Variants in PDZD9 observed in about 807,000 individuals in gnomAD.
PDZD9 encodes PDZ domain-containing protein 9.
In PDZD9, 13 loss-of-function variants were observed where a neutral mutation model predicts 16.3. That is an observed-to-expected ratio of 0.80 (90% CI 0.52 to 1.27). PDZD9 has a LOEUF of 1.27. PDZD9 is among the 50% of genes most tolerant of loss of function. The pLI, the probability that PDZD9 is intolerant of heterozygous loss-of-function variation, is 0.00. For missense variants in PDZD9, 288 were observed against 310.9 expected, an observed-to-expected ratio of 0.93 and a Z score of 0.55; for synonymous variants, 120 against 111.0, an observed-to-expected ratio of 1.08 and a Z score of -0.51.
chr16:21,976,449 T>C, the PDZD9 span: 4 of 443,684 alleles, frequency 9.0e-6, no homozygotes, highest in South Asian at 3.1e-5. Context: ...CCCAGCACTT[T>C]GGGAGGCCAA....
At chr16:21,999,845 T>C (rs1384446202) in intron 1 of PDZD9, among the ~76,000 whole-genome samples, 1 of 152,152 alleles carries the variant, frequency 6.6e-6, no homozygotes, top group Non-Finnish European at 1.5e-5. Flanking sequence ...GAGACCAGCC[T>C]GGCCAGCATG....
At chr16:21,982,983 A>AAAT, downstream of PDZD9, 1 of 960,076 alleles carries the variant, frequency 1.0e-6, no homozygotes, top group Non-Finnish European at 1.5e-6. Flanking sequence ...AAAAAAAAAA[A>AAAT]GAATGTCCTA....
the PDZD9 span, chr16:21,971,782 TG>T: frequency 7.4e-7 from 1 of 1,344,476 alleles, no homozygotes; most frequent in Non-Finnish European, 1.0e-6. Flanking sequence ...TGTGTGTGTT[TG>T]GGGACAGGAT....
rs557264062 is a variant in PDZD9 at position 21,996,465 on chromosome 16, T to C, written c.68A>G (p.His23Arg). The C allele has an allele frequency of 2.0e-6, 3 of 1,536,058 alleles. No individual in the cohort carries two copies. Among genetic ancestry groups the C allele is most frequent in the Non-Finnish European group, 1.7e-6 (2 of 1,146,862 alleles). Residue 23 changes from histidine (H) to arginine (R), a missense_variant, in exon 2 of 4, where the codon CAC becomes CGC. Physicochemically the swap from His to Arg is conservative, Grantham distance 29. Coordinates refer to ENST00000424898, the MANE Select transcript of PDZD9 (RefSeq NM_001363519.1). ...GGTCTGCTGTGTTTTGCTCAAGTTG[T>C]GTACAGATGTTTTGACCTTGTTGCT... ...GVSNKVKTSVHNLSKTQQTKL... is the reference protein window; with the variant it reads ...GVSNKVKTSVRNLSKTQQTKL...
chr16:21,967,563 T>C, the PDZD9 span, among the ~76,000 whole-genome samples: 3 of 152,122 alleles, frequency 2.0e-5, no homozygotes, highest in African/African-American at 4.8e-5. Context: ...TATAAACCAG[T>C]GATAACCAAG....
chr16:21,982,675 C>T (rs1055141882), downstream of PDZD9, among the ~76,000 whole-genome samples: 9 of 152,140 alleles, frequency 5.9e-5, no homozygotes, highest in African/African-American at 2.2e-4. Flanking sequence ...CTTAGAATGT[C>T]CTATCGAAGG....
downstream of PDZD9, chr16:21,983,544 C>G (rs530201657): frequency 3.7e-6 from 1 of 271,546 alleles, no homozygotes; most frequent in East Asian, 6.3e-5. Flanking sequence ...AAGATGAAAG[C>G]AAGTTCAAAA....
chr16:21,985,832 C>G (rs1898864185), intron 3 of PDZD9, among the ~76,000 whole-genome samples: 1 of 152,144 alleles, frequency 6.6e-6, no homozygotes, highest in Non-Finnish European at 1.5e-5. Context: ...CAGTAATAAA[C>G]AGTTGATAAT....
the PDZD9 span, among the ~76,000 whole-genome samples, chr16:21,969,992 C>A: frequency 6.6e-6 from 1 of 152,122 alleles, no homozygotes; most frequent in African/African-American, 2.4e-5. Context: ...CCTCAGCCTC[C>A]TAAGTAGCAA....
intron 1 of PDZD9, 116 bp downstream of exon 1, chr16:22,000,901 A>T (rs1010189192): frequency 7.4e-5 from 70 of 944,946 alleles, no homozygotes; most frequent in Non-Finnish European, 1.1e-5. Flanking sequence ...AACAACAACG[A>T]TGGAGAGAGG....
At chr16:21,988,928 C>CTTT (rs60488437) in intron 2 of PDZD9, 137 bp from the exon 3 acceptor site, 118 of 345,502 alleles carry the variant, frequency 3.4e-4, no homozygotes, top group Middle Eastern at 8.3e-4. Context: ...AGGCTTCAGC[C>CTTT]TTTTTTTTTT....
chr16:21,987,706 G>A (rs549047949), intron 3 of PDZD9, among the ~76,000 whole-genome samples: 2 of 152,248 alleles, frequency 1.3e-5, no homozygotes, highest in South Asian at 2.1e-4. Flanking sequence ...GAAGGCTATG[G>A]GTGGCCCTGG....
downstream of PDZD9, chr16:21,983,056 G>C (rs778356009): frequency 6.3e-7 from 1 of 1,595,570 alleles, no homozygotes; most frequent in African/African-American, 1.4e-5. Context: ...TTTTATTTTT[G>C]TTAATTTTGT....
the PDZD9 span, among the ~76,000 whole-genome samples, chr16:21,963,859 A>G: frequency 1.3e-5 from 2 of 152,134 alleles, no homozygotes; most frequent in Admixed American, 6.5e-5. Context: ...TATTGCTATT[A>G]TTGTTTAGCC....
chr16:21,999,013 C>G (rs1899222884), intron 1 of PDZD9: 1 of 199,476 alleles, frequency 5.0e-6, no homozygotes, highest in African/African-American at 2.3e-5. Context: ...ACTTACAAAA[C>G]CCTCTGAAAA....
At chr16:21,965,404 A>G in the PDZD9 span, 75 of 1,613,460 alleles carry the variant, frequency 4.6e-5, 1 homozygote, top group East Asian at 1.6e-3. Flanking sequence ...CACTTATCTC[A>G]CAGATGTCAT....
chr16:21,980,709 A>T, downstream of PDZD9: 1 of 1,611,584 alleles, frequency 6.2e-7, no homozygotes, highest in Non-Finnish European at 8.5e-7. Flanking sequence ...ATGTAAGTAA[A>T]TGAAAACTTA....
chr16:21,981,076 A>G (rs965948001), downstream of PDZD9, among the ~76,000 whole-genome samples: 2 of 152,216 alleles, frequency 1.3e-5, no homozygotes, highest in African/African-American at 4.8e-5. Flanking sequence ...AGAGTCAAAT[A>G]TTAGCAGTTT....
intron 2 of PDZD9, 137 bp from the exon 3 acceptor site, chr16:21,988,928 CTTTTTTTTTTT>C: frequency 5.8e-6 from 2 of 345,502 alleles, no homozygotes; most frequent in Non-Finnish European, 9.6e-6. Flanking sequence ...AGGCTTCAGC[CTTTTTTTTTTT>C]TTTTTTTTTG....
Sources: allele counts gnomAD v4.1 joint callset (sites outside exome capture counted in the v4.1 genomes callset), GRCh38; gene constraint gnomAD v4.1.1; transcripts MANE v1.5; gene names NCBI Gene and HGNC (gene_info 2026-07-23, HGNC 2026-07-21).